BPTF: variants seen among roughly 807,000 people sequenced by gnomAD.
BPTF encodes the protein nucleosome-remodeling factor subunit BPTF.
A neutral mutation model predicts 292.5 loss-of-function variants in BPTF; 18 were observed. The ratio of observed to expected loss-of-function variants is 0.06; its 90% CI spans 0.04 to 0.09. The LOEUF is 0.09. Among genes scored for constraint, BPTF ranks in the 10% least tolerant of loss-of-function variants. The pLI, the probability that BPTF is intolerant of heterozygous loss-of-function variation, is 1.00. For synonymous variants in BPTF, 1,225 were observed against 1,251.9 expected, an observed-to-expected ratio of 0.98 and a Z score of 0.45; for missense variants, 2,726 against 3,498.7, an observed-to-expected ratio of 0.78 and a Z score of 5.57.
chr17:67,842,528 C>T lies in BPTF; in HGVS notation c.614-11412C>T, dbSNP rs866501398. On this transcript the variant is annotated intron_variant, in intron 1 of 27. Transcript: ENST00000306378. ...ATGTATTTCCAACTTTCTGTGCTGTCCCAGATAAACTCCACATTGTAGGAA... is the reference window on the plus strand; with the variant it reads ...ATGTATTTCCAACTTTCTGTGCTGTTCCAGATAAACTCCACATTGTAGGAA... Among the ~76,000 whole-genome samples the T allele has an allele frequency of 5.9e-5, 9 of 152,170 alleles. No homozygotes were observed. In the Middle Eastern group the frequency reaches 0.024, roughly 403 times the overall value.
intron 26 of BPTF, 38 bp from the exon 27 acceptor site, chr17:67,975,734 T>C: frequency 6.4e-7 from 1 of 1,560,226 alleles, no homozygotes; most frequent in Non-Finnish European, 8.7e-7. Context: ...GGAAAAACCT[T>C]AAAGCTCTGA....
At position 67,911,184 on chromosome 17, in the gene BPTF, A is replaced by G. The variant is rs774737736; in HGVS notation, c.3300A>G (p.Lys1100=). Residue 1100 remains lysine (K), a synonymous_variant, in exon 11 of 28, where the codon AAA becomes AAG. Coordinates refer to ENST00000306378, the MANE Select transcript of BPTF (RefSeq NM_182641.4). The part of the protein sequence containing the change: ...GIGKTSTNSS[K]NLSESPVITK... ...GAAAGACTTCTACAAATTCTTCAAAAAATCTCTCTGAATCACCAGTAATAA... is the reference window on the plus strand; with the variant it reads ...GAAAGACTTCTACAAATTCTTCAAAGAATCTCTCTGAATCACCAGTAATAA... 4.3e-6 allele frequency: 7 copies of G among 1,613,780 alleles called. No individual in the cohort carries two copies. Among genetic ancestry groups the G allele is most frequent in the Non-Finnish European group, 5.9e-6 (7 of 1,179,940 alleles).
intron 18 of BPTF, among the ~76,000 whole-genome samples, chr17:67,937,200 TA>T: frequency 6.6e-6 from 1 of 152,204 alleles, no homozygotes; most frequent in South Asian, 2.1e-4. Flanking sequence ...TCACGCCTAA[TA>T]TACCAGCACT....
intron 3 of BPTF, among the ~76,000 whole-genome samples, 167 bp downstream of exon 3, chr17:67,866,854 G>A (rs1278162852): frequency 6.6e-6 from 1 of 152,210 alleles, no homozygotes; most frequent in African/African-American, 2.4e-5. Flanking sequence ...TGTCATCATT[G>A]TATGAACATC....
At chr17:67,899,329 C>A (rs1433160357) in intron 7 of BPTF, among the ~76,000 whole-genome samples, 1 of 152,066 alleles carries the variant, frequency 6.6e-6, no homozygotes, top group Non-Finnish European at 1.5e-5. Context: ...ACGCCAGATA[C>A]CTTGATTGTG....
At chr17:67,848,093 ACATTTTTTCCTT>A (rs2058159941) in intron 1 of BPTF, among the ~76,000 whole-genome samples, 1 of 152,162 alleles carries the variant, frequency 6.6e-6, no homozygotes, top group Non-Finnish European at 1.5e-5. Context: ...GGACAATGTT[ACATTTTTTCCTT>A]CTAGAAACAC....
rs1047500860 is a variant in BPTF, at chr17:67,919,162, A to G, written c.5428+324A>G. Among the ~76,000 whole-genome samples, 5 of 144,098 alleles carry G rather than the reference A, an allele frequency of 3.5e-5. No individual in the cohort carries two copies. The South Asian group carries it at 8.9e-4, about 26-fold the overall frequency. 94.5% of individuals were successfully genotyped at this position (144,098 alleles called of 152,430 possible). On this transcript the variant is annotated intron_variant, in intron 12 of 27. Coordinates refer to ENST00000306378, the MANE Select transcript of BPTF (RefSeq NM_182641.4). Reference sequence around the variant, plus strand: ...ACTCCAGCCAGTGCGACAGAGTGAGACTCTGTCTCAAAATAATAATAATAA... The same window carrying G: ...ACTCCAGCCAGTGCGACAGAGTGAGGCTCTGTCTCAAAATAATAATAATAA...
At chr17:67,948,981 A>G (rs1555676985) in intron 23 of BPTF, among the ~76,000 whole-genome samples, 1 of 152,230 alleles carries the variant, frequency 6.6e-6, no homozygotes, top group African/African-American at 2.4e-5. Flanking sequence ...ACCTTGTCTC[A>G]TAAACAAAAC....
At chr17:67,905,404 T>G (rs1401095053) in intron 9 of BPTF, among the ~76,000 whole-genome samples, 1 of 148,740 alleles carries the variant, frequency 6.7e-6, no homozygotes, top group African/African-American at 2.5e-5. Flanking sequence ...CAAGACTCTG[T>G]CTCAAAAAAA....
Position 67,912,785 on chromosome 17 carries a change from A to G in BPTF, c.4901A>G (p.Lys1634Arg). The part of the protein sequence containing the change: ...TVTTTTTTVT[K>R]LSTPSTGGSV... Reference sequence around the variant, plus strand: ...ACAACCACCACTACAACAGTGACCAAGCTTTCCACACCCTCCACAGGCGGC... The same window carrying G: ...ACAACCACCACTACAACAGTGACCAGGCTTTCCACACCCTCCACAGGCGGC... The change falls in exon 11 of 28, where the codon AAG becomes AGG. Residue 1634 changes from lysine to arginine, a missense_variant. By Grantham distance (26) the Lys-to-Arg change is conservative (BLOSUM62 2). Coordinates refer to ENST00000306378, the MANE Select transcript of BPTF (RefSeq NM_182641.4). 1 of 1,614,178 alleles carries G rather than the reference A, an allele frequency of 6.2e-7. No homozygotes were observed. The highest frequency in any genetic ancestry group is 1.1e-5 in the South Asian group (1 of 91,080).
intron 19 of BPTF, among the ~76,000 whole-genome samples, chr17:67,942,308 CAAAAA>C: frequency 1.4e-5 from 1 of 72,762 alleles, no homozygotes; most frequent in East Asian, 4.0e-4. Context: ...GACTCCGTCT[CAAAAA>C]AAAGAAAAAC....
At chr17:67,826,393 C>A (rs960899665) in intron 1 of BPTF, 56 bp downstream of exon 1, 13 of 1,535,964 alleles carry the variant, frequency 8.5e-6, no homozygotes, top group Non-Finnish European at 8.8e-6. Context: ...TGCCCTCCCC[C>A]CTTGCTCACT....
At chr17:67,978,448 A>G (rs2069844258) in intron 27 of BPTF, among the ~76,000 whole-genome samples, 1 of 151,744 alleles carries the variant, frequency 6.6e-6, no homozygotes, top group African/African-American at 2.4e-5. Context: ...ACAGGCAGCC[A>G]CCACCATGCC....
At chr17:67,967,589 G>C (rs1300417860) in intron 26 of BPTF, among the ~76,000 whole-genome samples, 2 of 152,054 alleles carry the variant, frequency 1.3e-5, no homozygotes, top group African/African-American at 4.8e-5. Context: ...CGGAGGCCAA[G>C]GTGGATGGAT....
intron 23 of BPTF, chr17:67,955,277 CAAAAAA>C (rs60507268): frequency 7.5e-5 from 9 of 119,518 alleles, no homozygotes; most frequent in African/African-American, 3.1e-4. Context: ...GACTCTGTCT[CAAAAAA>C]AAAAAAAAAA....
At chr17:67,895,721 C>T (rs1347153945) in intron 7 of BPTF, among the ~76,000 whole-genome samples, 1 of 152,070 alleles carries the variant, frequency 6.6e-6, no homozygotes, top group Non-Finnish European at 1.5e-5. Context: ...CTCAGCCTAC[C>T]GGAGTGCTGG....
intron 11 of BPTF, among the ~76,000 whole-genome samples, chr17:67,916,458 C>T (rs184276057): frequency 2.6e-4 from 40 of 152,112 alleles, no homozygotes; most frequent in Admixed American, 1.7e-3. Context: ...GGCGTGGTGG[C>T]GGGCGCCTGT....
At chr17:67,853,909 AT>A (rs1325071451) in intron 1 of BPTF, 30 bp from the exon 2 acceptor site, 2 of 1,542,098 alleles carry the variant, frequency 1.3e-6, no homozygotes, top group African/African-American at 2.7e-5. Flanking sequence ...TAATGTATTG[AT>A]TTGTAATGAT....
intron 24 of BPTF, among the ~76,000 whole-genome samples, chr17:67,961,124 T>G (rs1275102055): frequency 6.6e-6 from 1 of 152,246 alleles, no homozygotes; most frequent in Admixed American, 6.5e-5. Context: ...CAGAATTTCT[T>G]TAAATAACAA....
Sources: allele counts gnomAD v4.1 joint callset (sites outside exome capture counted in the v4.1 genomes callset), GRCh38; gene constraint gnomAD v4.1.1; transcripts MANE v1.5; gene names NCBI Gene and HGNC (gene_info 2026-07-23, HGNC 2026-07-21).